TMEM131: variants seen among roughly 807,000 people sequenced by gnomAD.
TMEM131 encodes the protein transmembrane protein 131.
In TMEM131, 66 loss-of-function variants were observed where a neutral mutation model predicts 211.6. The ratio of observed to expected loss-of-function variants is 0.31; its 90% confidence interval spans 0.26 to 0.38. The LOEUF (loss-of-function observed/expected upper bound fraction) is 0.38, where lower values mean the gene tolerates loss of function less well. TMEM131 is among the 10% of genes least tolerant of loss of function. The pLI, the probability that TMEM131 is intolerant of heterozygous loss-of-function variation, is 1.00. For missense variants in TMEM131, 2,036 were observed against 2,299.3 expected (o/e 0.89, Z 2.34); for synonymous variants, 844 against 841.3 (o/e 1.00, Z -0.06).
chr2:97,970,663 T>G (rs562019419), intron 1 of TMEM131, among the ~76,000 whole-genome samples: 1 of 152,322 alleles, frequency 6.6e-6, no homozygotes, highest in South Asian at 2.1e-4. Context: ...GGTGCTCTGC[T>G]GACTGGGCTT....
At chr2:97,797,073 C>A (rs1325269471) in intron 26 of TMEM131, 87 bp from the exon 27 acceptor site, 9 of 1,338,448 alleles carry the variant, frequency 6.7e-6, no homozygotes, top group African/African-American at 1.5e-5. Context: ...TTTTACAGAG[C>A]ACCACATAGA....
intron 11 of TMEM131, among the ~76,000 whole-genome samples, chr2:97,821,140 G>T (rs963872207): frequency 2.0e-5 from 3 of 152,118 alleles, no homozygotes; most frequent in Non-Finnish European, 2.9e-5. Context: ...GGGACTTGGA[G>T]AACTTTTTTG....
chr2:97,992,222 T>C (rs1440819508), intron 1 of TMEM131, among the ~76,000 whole-genome samples: 2 of 152,222 alleles, frequency 1.3e-5, no homozygotes, highest in East Asian at 3.8e-4. Context: ...TAAGAAAAAG[T>C]AAATAACACT....
At chr2:97,842,806 T>C (rs1683258693) in intron 6 of TMEM131, among the ~76,000 whole-genome samples, 1 of 152,212 alleles carries the variant, frequency 6.6e-6, no homozygotes, top group African/African-American at 2.4e-5. Flanking sequence ...GATGCCATCG[T>C]GGGGCAATGA....
intron 32 of TMEM131, among the ~76,000 whole-genome samples, chr2:97,775,005 G>A (rs970374184): frequency 6.6e-6 from 1 of 152,184 alleles, no homozygotes; most frequent in African/African-American, 2.4e-5. Flanking sequence ...AAATCTGTAA[G>A]AAGTGATTCC....
intron 31 of TMEM131, among the ~76,000 whole-genome samples, chr2:97,787,515 C>G (rs756554383): frequency 1.3e-5 from 2 of 152,228 alleles, no homozygotes; most frequent in Admixed American, 1.3e-4. Context: ...ATCACACTTA[C>G]GGACTTCTTC....
chr2:97,831,176 G>A (rs552687555), intron 11 of TMEM131, among the ~76,000 whole-genome samples: 114 of 152,306 alleles, frequency 7.5e-4, no homozygotes, highest in African/African-American at 2.6e-3. Flanking sequence ...TTCCATGTCT[G>A]TAAGTTCACT....
At chr2:97,983,291 G>A (rs1243032059) in intron 1 of TMEM131, among the ~76,000 whole-genome samples, 1 of 152,180 alleles carries the variant, frequency 6.6e-6, no homozygotes, top group African/African-American at 2.4e-5. Context: ...AGCAGTGACA[G>A]TCAGCTACAA....
intron 1 of TMEM131, among the ~76,000 whole-genome samples, chr2:97,955,055 CTTA>C (rs1173796787): frequency 1.3e-5 from 2 of 151,892 alleles, no homozygotes; most frequent in East Asian, 1.9e-4. Flanking sequence ...ACCACTATTC[CTTA>C]TTAAGTTAGA....
chr2:97,925,077 T>C (rs539005723), intron 2 of TMEM131, among the ~76,000 whole-genome samples: 1 of 152,172 alleles, frequency 6.6e-6, no homozygotes, highest in East Asian at 1.9e-4. Flanking sequence ...TCCCTACATT[T>C]CCCAGGCTGG....
chr2:97,788,103 G>A (rs573311240), intron 31 of TMEM131, among the ~76,000 whole-genome samples: 3 of 152,168 alleles, frequency 2.0e-5, no homozygotes, highest in Admixed American at 6.5e-5. Flanking sequence ...GTCCTCACTC[G>A]CTGTCTTTTT....
At chr2:97,787,591 A>T (rs896714165) in intron 31 of TMEM131, among the ~76,000 whole-genome samples, 1 of 152,186 alleles carries the variant, frequency 6.6e-6, no homozygotes, top group Non-Finnish European at 1.5e-5. Flanking sequence ...TTATCTGTAA[A>T]TCTGAAATCC....
intron 5 of TMEM131, among the ~76,000 whole-genome samples, chr2:97,848,332 A>G (rs1295479288): frequency 2.0e-5 from 3 of 152,230 alleles, no homozygotes; most frequent in Non-Finnish European, 4.4e-5. Context: ...ATCTAAATAT[A>G]AAATCTAAAA....
intron 5 of TMEM131, among the ~76,000 whole-genome samples, chr2:97,856,270 A>C (rs1673842515): frequency 6.6e-6 from 1 of 152,150 alleles, no homozygotes; most frequent in African/African-American, 2.4e-5. Flanking sequence ...ATAATTTTGA[A>C]TTATAATTAG....
At chr2:97,918,700 C>T (rs928568494) in intron 2 of TMEM131, among the ~76,000 whole-genome samples, 2 of 152,090 alleles carry the variant, frequency 1.3e-5, no homozygotes, top group African/African-American at 2.4e-5. Context: ...GACCTTGTCT[C>T]GATCCTGTTT....
intron 1 of TMEM131, among the ~76,000 whole-genome samples, chr2:97,949,064 ATG>A (rs1678181134): frequency 6.6e-6 from 1 of 152,218 alleles, no homozygotes; most frequent in African/African-American, 2.4e-5. Context: ...AGACTTGTAC[ATG>A]AATATTTAGG....
At chr2:97,935,919 CTG>C (rs1677423143) in intron 1 of TMEM131, among the ~76,000 whole-genome samples, 1 of 152,204 alleles carries the variant, frequency 6.6e-6, no homozygotes, top group African/African-American at 2.4e-5. Context: ...CTCTCCAGCT[CTG>C]TGACAGCACT....
intron 11 of TMEM131, among the ~76,000 whole-genome samples, chr2:97,825,581 G>A (rs955990099): frequency 2.0e-4 from 30 of 152,200 alleles, no homozygotes; most frequent in African/African-American, 7.0e-4. Flanking sequence ...ATAGGAACCA[G>A]AGGCAGAAAC....
chr2:97,842,556 A>G (rs190735586), intron 6 of TMEM131, among the ~76,000 whole-genome samples: 50 of 152,258 alleles, frequency 3.3e-4, no homozygotes, highest in African/African-American at 1.2e-3. Context: ...AGTAACAGAC[A>G]GTGTTGGGGG....
Sources: allele counts gnomAD v4.1 joint callset (sites outside exome capture counted in the v4.1 genomes callset), GRCh38; gene constraint gnomAD v4.1.1; transcripts MANE v1.5; gene names NCBI Gene and HGNC (gene_info 2026-07-23, HGNC 2026-07-21).